The following NLRP8 variants were observed in gnomAD, a reference collection of about 807,000 sequenced individuals.
NLRP8 encodes NLR family pyrin domain containing 8.
A neutral mutation model predicts 88.7 loss-of-function variants in NLRP8; 86 were observed. The observed-to-expected ratio is 0.97, with a 90% CI of 0.81 to 1.16. The LOEUF (loss-of-function observed/expected upper bound fraction) is 1.16. Ranked by LOEUF, NLRP8 falls within the 50% of genes most tolerant of loss-of-function variation. NLRP8 has a pLI of 0.00. For missense variants in NLRP8, 1,342 were observed against 1,286.5 expected (o/e 1.04, Z -0.66); for synonymous variants, 504 against 494.6 (o/e 1.02, Z -0.25).
chr19:55,986,933 C>T (rs1980871758), intron 9 of NLRP8, among the ~76,000 whole-genome samples: 1 of 152,216 alleles, frequency 6.6e-6, no homozygotes, highest in Non-Finnish European at 1.5e-5. Flanking sequence ...CTTCTGGCTG[C>T]TCAAAGCCCA....
intron 4 of NLRP8, among the ~76,000 whole-genome samples, chr19:55,965,812 C>A (rs1226453393): frequency 2.0e-5 from 3 of 148,386 alleles, no homozygotes; most frequent in Non-Finnish European, 4.5e-5. Context: ...CCTAGCCCCC[C>A]ACCCCCCCAG....
At chr19:55,967,508 C>T (rs191996163) in intron 5 of NLRP8, among the ~76,000 whole-genome samples, 131 of 152,340 alleles carry the variant, frequency 8.6e-4, no homozygotes, top group African/African-American at 3.1e-3. Context: ...CCATCCATGT[C>T]GTTGCAAATG....
At position 55,948,100 on chromosome 19, in the gene NLRP8, T is replaced by C; in HGVS notation, c.198T>C (p.Thr66=). 4.3e-6 allele frequency: 7 copies of C among 1,614,158 alleles called. No individual in the cohort carries two copies. The highest frequency in any genetic ancestry group is 5.9e-6 in the Non-Finnish European group (7 of 1,180,010). ...AGCTCTTACTGACTGAGCTCAGTAC[T>C]GGCACCATGCCCATCACCTGGGACC... is the stretch of plus-strand genomic sequence containing the variant. Residue 66 remains threonine (T), a synonymous_variant, in exon 1 of 10, where the codon ACT becomes ACC. Coordinates refer to ENST00000291971, the MANE Select transcript of NLRP8 (RefSeq NM_176811.2).
At chr19:55,971,439 CAAAA>C (rs34787079) in intron 6 of NLRP8, among the ~76,000 whole-genome samples, 2 of 87,030 alleles carry the variant, frequency 2.3e-5, no homozygotes, top group African/African-American at 4.3e-5. Context: ...AGACTCGTCT[CAAAA>C]AAAAAAAAAA....
intron 1 of NLRP8, 91 bp downstream of exon 1, chr19:55,948,360 T>C (rs1978947587): frequency 2.2e-6 from 3 of 1,372,514 alleles, no homozygotes; most frequent in Non-Finnish European, 3.0e-6. Flanking sequence ...CTTATTGGCC[T>C]TCTGAGCAAG....
chr19:55,954,558 T>C lies in NLRP8; in HGVS notation c.500T>C (p.Ile167Thr). ...GAAAAGTTTTTCCCCATATGGGACATTACGACTTGGCCTGGAAACCAGAGG... is the reference window on the plus strand; with the variant it reads ...GAAAAGTTTTTCCCCATATGGGACACTACGACTTGGCCTGGAAACCAGAGG... The change falls in exon 3 of 10, where the codon ATT (isoleucine) becomes ACT (threonine). Residue 167 changes from isoleucine (I) to threonine (T), a missense_variant. By Grantham distance (89) the Ile-to-Thr change is moderately conservative. Coordinates refer to ENST00000291971, the MANE Select transcript of NLRP8 (RefSeq NM_176811.2). 1 of 1,614,130 alleles carries C rather than the reference T, an allele frequency of 6.2e-7. No individual in the cohort carries two copies. Among genetic ancestry groups the C allele is most frequent in the Non-Finnish European group, 8.5e-7 (1 of 1,180,026 alleles).
chr19:55,977,141 A>G (rs1980379693), intron 8 of NLRP8, among the ~76,000 whole-genome samples: 1 of 144,718 alleles, frequency 6.9e-6, no homozygotes. Flanking sequence ...AGATACATAT[A>G]TACGTATATA....
At chr19:55,986,658 G>T (rs1980854796) in intron 9 of NLRP8, among the ~76,000 whole-genome samples, 1 of 152,204 alleles carries the variant, frequency 6.6e-6, no homozygotes, top group South Asian at 2.1e-4. Flanking sequence ...TGGGGCTGGT[G>T]GTTCAGAGCC....
rs765773454 is a variant in NLRP8, at chr19:55,987,846, T to G, written c.3080T>G (p.Phe1027Cys). 3 of 1,613,876 alleles carry G rather than the reference T, an allele frequency of 1.9e-6. No homozygotes were observed. Among genetic ancestry groups the G allele is most frequent in the East Asian group, 2.2e-5 (1 of 44,860 alleles). The stretch of plus-strand genomic sequence containing the variant: ...CCTGCCTGGACTCGAATAACTAGCT[T>G]CTCCCCAACTCCTCACCCACCCGAC... Residue 1027 changes from phenylalanine to cysteine, a missense_variant, in exon 10 of 10, where the codon TTC (phenylalanine) becomes TGC (cysteine). By Grantham distance (205) the Phe-to-Cys change is radical. Coordinates refer to ENST00000291971, the MANE Select transcript of NLRP8 (RefSeq NM_176811.2).
chr19:55,988,092 G>GTA lies in NLRP8; in HGVS notation c.*181_*182dup. 1.8e-6 allele frequency: 1 copy of GTA among 561,844 alleles called. No homozygotes were observed. Among genetic ancestry groups the GTA allele is most frequent in the South Asian group, 1.9e-5 (1 of 51,882 alleles). 34.8% of individuals were successfully genotyped at this position (561,844 alleles called of 1,614,324 possible). A position where few individuals can be genotyped will look rare whatever the true frequency, so the allele number is the denominator to read the frequency against. On this transcript the variant is annotated 3_prime_UTR_variant, in exon 10 of 10. Coordinates refer to ENST00000291971, the MANE Select transcript of NLRP8 (RefSeq NM_176811.2). ...GAGTGAGGACGGTGATGCCCTGTGT[G>GTA]TATTAATATGCTATGTAAGGCTGGG...
At chr19:55,972,540 G>A (rs1049849500) in intron 6 of NLRP8, among the ~76,000 whole-genome samples, 1 of 151,836 alleles carries the variant, frequency 6.6e-6, no homozygotes, top group Non-Finnish European at 1.5e-5. Context: ...TCCGAGCAGT[G>A]TACACTGTAC....
At position 55,973,652 on chromosome 19, in the gene NLRP8, G is replaced by A. The variant is rs759573457; in HGVS notation, c.2535G>A (p.Ser845=). Reference sequence around the variant, plus strand: ...TCATCTGTGTGCTTCTCTCCCATAGGATAGAGAACTGCAACCTTACACAGC... The same window carrying A: ...TCATCTGTGTGCTTCTCTCCCATAGAATAGAGAACTGCAACCTTACACAGC... The change falls in exon 7 of 10, where the codon TCG becomes TCA. Residue 845 remains serine (S), a splice_region_variant and synonymous_variant. Transcript: ENST00000291971. 6.2e-6 allele frequency: 10 copies of A among 1,605,980 alleles called. No individual in the cohort carries two copies.
At chr19:55,986,419 TTC>T (rs570720036) in intron 9 of NLRP8, among the ~76,000 whole-genome samples, 29 of 130,256 alleles carry the variant, frequency 2.2e-4, no homozygotes, top group East Asian at 1.7e-3. Flanking sequence ...GTCTCACACA[TTC>T]TCTCTCTCAC....
chr19:55,970,862 C>T (rs752250883), intron 6 of NLRP8, among the ~76,000 whole-genome samples, 166 bp downstream of exon 6: 2 of 151,932 alleles, frequency 1.3e-5, no homozygotes, highest in East Asian at 1.9e-4. Flanking sequence ...AAGGGTCCAG[C>T]CAAGAATGAA....
At chr19:55,976,820 C>T (rs774571085) in intron 8 of NLRP8, among the ~76,000 whole-genome samples, 3 of 43,672 alleles carry the variant, frequency 6.9e-5, no homozygotes, top group Non-Finnish European at 1.4e-4. Flanking sequence ...TGGCTCACGC[C>T]TATAATCCCA....
chr19:55,966,391 A>G lies in NLRP8; in HGVS notation c.2381+11A>G. The G allele has an allele frequency of 6.2e-7, 1 of 1,612,388 alleles. No individual in the cohort carries two copies. On this transcript the variant is annotated intron_variant, in intron 5 of 9. Transcript: ENST00000291971. ...TCTGCAGTGTCTCAGGTGAGATTTG[A>G]GAGGGGGGTTAGAGTGGGAACCGGG... is the stretch of plus-strand genomic sequence containing the variant.
chr19:55,987,948 T>G lies in NLRP8; in HGVS notation c.*35T>G, dbSNP rs750404490. 1 of 1,502,782 alleles carries G rather than the reference T, an allele frequency of 6.7e-7. No homozygotes were observed. The highest frequency in any genetic ancestry group is 1.1e-5 in the South Asian group (1 of 88,666). The allele number at this position is 1,502,782 out of a possible 1,614,324, so 93.1% of individuals were successfully genotyped here. On this transcript the variant is annotated 3_prime_UTR_variant, in exon 10 of 10. Transcript: ENST00000291971. Reference sequence around the variant, plus strand: ...TCATCTTTCTCTGGGGCTTGATTGATCAGTTCCCACTCTGACAACTGGCAA... The same window carrying G: ...TCATCTTTCTCTGGGGCTTGATTGAGCAGTTCCCACTCTGACAACTGGCAA...
intron 1 of NLRP8, among the ~76,000 whole-genome samples, chr19:55,949,858 A>T (rs1979014374): frequency 6.6e-6 from 1 of 152,182 alleles, no homozygotes; most frequent in African/African-American, 2.4e-5. Flanking sequence ...AGCATGTCAT[A>T]GGTGCTCAAA....
At chr19:55,976,591 T>C (rs1011320278) in intron 8 of NLRP8, among the ~76,000 whole-genome samples, 1 of 151,996 alleles carries the variant, frequency 6.6e-6, no homozygotes, top group Non-Finnish European at 1.5e-5. Flanking sequence ...TTTTAAAAAA[T>C]ATTCTTCCAG....
Sources: allele counts gnomAD v4.1 joint callset (sites outside exome capture counted in the v4.1 genomes callset), GRCh38; gene constraint gnomAD v4.1.1; transcripts MANE v1.5; gene names NCBI Gene and HGNC (gene_info 2026-07-23, HGNC 2026-07-21).